Variants in GBE1 observed in about 807,000 individuals in gnomAD.
The protein encoded by GBE1 is 1,4-alpha-glucan branching enzyme 1, also known as 1,4-alpha-glucan-branching enzyme.
GBE1 carries 70 observed loss-of-function variants against 88.8 expected under a neutral mutation model. The ratio of observed to expected loss-of-function variants is 0.79; its 90% CI spans 0.65 to 0.96. GBE1 has a LOEUF of 0.96. Ranked by LOEUF, GBE1 falls within the 40% of genes least tolerant of loss-of-function variation. The pLI is 0.00. For synonymous variants in GBE1, 284 were observed against 300.1 expected, an observed-to-expected ratio of 0.95 and a Z score of 0.56; for missense variants, 872 against 871.0, an observed-to-expected ratio of 1.00 and a Z score of -0.01.
At chr3:81,675,950 T>G (rs1240674006) in intron 2 of GBE1, among the ~76,000 whole-genome samples, 1 of 152,112 alleles carries the variant, frequency 6.6e-6, no homozygotes, top group Non-Finnish European at 1.5e-5. Flanking sequence ...TATTTACAAT[T>G]GAGATAAATG....
chr3:81,568,332 G>C (rs533538064), intron 12 of GBE1, among the ~76,000 whole-genome samples: 60 of 152,224 alleles, frequency 3.9e-4, no homozygotes. Flanking sequence ...ATTTTTAGTA[G>C]AGACGGGGTT....
At chr3:81,643,226 C>G (rs1438166166) in intron 6 of GBE1, among the ~76,000 whole-genome samples, 1 of 151,538 alleles carries the variant, frequency 6.6e-6, no homozygotes, top group East Asian at 1.9e-4. Flanking sequence ...ATACCCCAAC[C>G]AAAATTCACA....
At chr3:81,654,380 C>A (rs980309628) in intron 3 of GBE1, among the ~76,000 whole-genome samples, 1 of 151,900 alleles carries the variant, frequency 6.6e-6, no homozygotes, top group Non-Finnish European at 1.5e-5. Context: ...GTGCTTCTTG[C>A]AAAACACAAA....
intron 1 of GBE1, among the ~76,000 whole-genome samples, chr3:81,715,925 T>G (rs1407271325): frequency 6.6e-6 from 1 of 152,200 alleles, no homozygotes; most frequent in Non-Finnish European, 1.5e-5. Context: ...AATTTCTAAG[T>G]AGAAAACTTA....
At chr3:81,676,091 A>G (rs1705247372) in intron 2 of GBE1, among the ~76,000 whole-genome samples, 2 of 152,296 alleles carry the variant, frequency 1.3e-5, no homozygotes, top group South Asian at 2.1e-4. Context: ...AACACAGTAT[A>G]TAATACATAT....
At chr3:81,682,027 T>C (rs910663015) in intron 2 of GBE1, among the ~76,000 whole-genome samples, 6 of 152,202 alleles carry the variant, frequency 3.9e-5, no homozygotes, top group African/African-American at 1.4e-4. Flanking sequence ...AAATCATATA[T>C]TTGATAGGGG....
At chr3:81,522,406 AG>A (rs750021374) in intron 14 of GBE1, among the ~76,000 whole-genome samples, 1 of 151,464 alleles carries the variant, frequency 6.6e-6, no homozygotes, top group Non-Finnish European at 1.5e-5. Context: ...CTGAACTGGG[AG>A]GGTGGAGCAG....
chr3:81,499,305 G>C, intron 14 of GBE1, 78 bp from the exon 15 acceptor site: 1 of 831,088 alleles, frequency 1.2e-6, no homozygotes, highest in Non-Finnish European at 2.0e-6. Flanking sequence ...GAGCAATTTA[G>C]AAGTGAGTTT....
At chr3:81,604,746 C>A (rs1704081791) in intron 7 of GBE1, among the ~76,000 whole-genome samples, 1 of 151,928 alleles carries the variant, frequency 6.6e-6, no homozygotes, top group African/African-American at 2.4e-5. Context: ...TTTTGGAAAC[C>A]TACAAAAGTG....
chr3:81,592,018 CAAAT>C (rs1703885452), intron 8 of GBE1, among the ~76,000 whole-genome samples: 1 of 151,840 alleles, frequency 6.6e-6, no homozygotes. Flanking sequence ...ATTTAATTGA[CAAAT>C]AAAAATTGCA....
chr3:81,540,487 G>T (rs1703130057), intron 12 of GBE1, among the ~76,000 whole-genome samples: 1 of 151,940 alleles, frequency 6.6e-6, no homozygotes, highest in Non-Finnish European at 1.5e-5. Context: ...CTAGTGCTTG[G>T]TTTCCTCATC....
Position 81,618,344 on chromosome 3 carries a change from T to A in GBE1, c.993-24321A>T, listed in dbSNP as rs1704278500. Among the ~76,000 whole-genome samples, 4 of 152,244 alleles carry A rather than the reference T, an allele frequency of 2.6e-5. No homozygotes were observed. In the South Asian group the frequency reaches 6.2e-4, roughly 24 times the overall value. On this transcript the variant is annotated intron_variant, in intron 7 of 15. Coordinates refer to ENST00000429644, the MANE Select transcript of GBE1 (RefSeq NM_000158.4). ...AATAGATTACCTTATATTTAATAAT[T>A]CAATGATCATTCTCTAGGACTTATT...
chr3:81,661,074 T>C (rs1292336580), intron 3 of GBE1, among the ~76,000 whole-genome samples: 2 of 152,014 alleles, frequency 1.3e-5, no homozygotes, highest in East Asian at 1.9e-4. Flanking sequence ...TGAAAAAAAA[T>C]TGGATGACTA....
chr3:81,573,800 G>A (rs992754861), intron 12 of GBE1, among the ~76,000 whole-genome samples: 14 of 103,862 alleles, frequency 1.3e-4, no homozygotes, highest in Admixed American at 8.4e-4. Flanking sequence ...TGTGTGTGTA[G>A]AAATTCTGTG....
At chr3:81,690,999 T>A in intron 2 of GBE1, among the ~76,000 whole-genome samples, 1 of 152,086 alleles carries the variant, frequency 6.6e-6, no homozygotes, top group East Asian at 1.9e-4. Context: ...AAATTTCATT[T>A]TATCGTACTT....
At chr3:81,709,423 C>A (rs1296818377) in intron 1 of GBE1, among the ~76,000 whole-genome samples, 2 of 23,868 alleles carry the variant, frequency 8.4e-5, no homozygotes, top group African/African-American at 1.4e-3. Context: ...ATAAAATGAT[C>A]AGTGTGGAAC....
intron 7 of GBE1, among the ~76,000 whole-genome samples, chr3:81,601,715 T>C (rs1576165624): frequency 6.6e-6 from 1 of 152,224 alleles, no homozygotes; most frequent in Non-Finnish European, 1.5e-5. Context: ...TATATCAATG[T>C]GTTCTATTAG....
At chr3:81,665,586 G>C (rs1377791202) in intron 3 of GBE1, among the ~76,000 whole-genome samples, 1 of 150,672 alleles carries the variant, frequency 6.6e-6, no homozygotes, top group Non-Finnish European at 1.5e-5. Context: ...ATAACCTACT[G>C]TTAGCTCTTG....
At chr3:81,746,056 C>T (rs1706416416) in intron 1 of GBE1, among the ~76,000 whole-genome samples, 1 of 151,980 alleles carries the variant, frequency 6.6e-6, no homozygotes, top group Admixed American at 6.6e-5. Context: ...TTCATTCTTA[C>T]AAATAAAATT....
Sources: gnomAD v4.1 joint callset for allele counts (sites outside exome capture counted in the v4.1 genomes callset) on GRCh38, gnomAD v4.1.1 for gene constraint, MANE v1.5 for transcripts, NCBI Gene and HGNC (gene_info 2026-07-23, HGNC 2026-07-21) for gene names.